Variants in CNTNAP5 observed in about 807,000 individuals in gnomAD.
CNTNAP5 encodes contactin associated protein family member 5, also known as contactin-associated protein-like 5.
In CNTNAP5, 72 loss-of-function variants were observed where a neutral mutation model predicts 150.2. The observed-to-expected ratio is 0.48, with a 90% confidence interval of 0.40 to 0.58. CNTNAP5 has a LOEUF of 0.58. CNTNAP5 is among the 20% of genes least tolerant of loss of function. CNTNAP5 has a pLI of 0.00. For synonymous variants in CNTNAP5, 672 were observed against 619.8 expected, an observed-to-expected ratio of 1.08 and a Z score of -1.25; for missense variants, 1,636 against 1,626.2, an observed-to-expected ratio of 1.01 and a Z score of -0.10.
At chr2:124,168,858 G>T (rs1684865620) in intron 1 of CNTNAP5, among the ~76,000 whole-genome samples, 1 of 151,988 alleles carries the variant, frequency 6.6e-6, no homozygotes. Context: ...ACTGTCAATT[G>T]AGGATTTGAC....
intron 11 of CNTNAP5, among the ~76,000 whole-genome samples, chr2:124,565,668 C>A (rs1453538081): frequency 4.2e-5 from 6 of 143,882 alleles, no homozygotes; most frequent in African/African-American, 7.7e-5. Flanking sequence ...GGCGCGATCT[C>A]GGCTCACTGC....
Position 124,223,934 on chromosome 2 carries a change from G to C in CNTNAP5, c.187+2125G>C, listed in dbSNP as rs7587696. Among the ~76,000 whole-genome samples, 432 of 151,642 alleles carry C rather than the reference G, an allele frequency of 2.8e-3. 2 individuals carry two copies. Among genetic ancestry groups the C allele is most frequent in the African/African-American group, 9.1e-3 (377 of 41,354 alleles). On this transcript the variant is annotated intron_variant, in intron 2 of 23. Transcript: ENST00000682447. ...TGCATATTCCAAGACTCCCAAGGGG[G>C]ACAGCCTCTCCTTTACTCACCGAGG...
chr2:124,621,536 A>G (rs1677614367), intron 12 of CNTNAP5, among the ~76,000 whole-genome samples: 1 of 152,204 alleles, frequency 6.6e-6, no homozygotes, highest in Non-Finnish European at 1.5e-5. Flanking sequence ...ATAATGGAGT[A>G]GGTAGAAAGC....
At chr2:124,361,843 C>T (rs567482261) in intron 3 of CNTNAP5, among the ~76,000 whole-genome samples, 3 of 152,136 alleles carry the variant, frequency 2.0e-5, no homozygotes, top group Non-Finnish European at 2.9e-5. Context: ...CCACCCAGTT[C>T]GAGCTTCCCA....
chr2:124,054,756 G>C (rs780830598), intron 1 of CNTNAP5, among the ~76,000 whole-genome samples: 1 of 152,136 alleles, frequency 6.6e-6, no homozygotes, highest in Non-Finnish European at 1.5e-5. Flanking sequence ...CCTTCCTGCT[G>C]TTCGTTAGTA....
At chr2:124,765,177 A>G (rs1681043542) in intron 16 of CNTNAP5, among the ~76,000 whole-genome samples, 1 of 152,136 alleles carries the variant, frequency 6.6e-6, no homozygotes, top group African/African-American at 2.4e-5. Flanking sequence ...GGTACTGTTA[A>G]TGTTTTTACT....
intron 6 of CNTNAP5, among the ~76,000 whole-genome samples, chr2:124,464,297 C>A (rs769738327): frequency 6.6e-6 from 1 of 152,040 alleles, no homozygotes; most frequent in South Asian, 2.1e-4. Context: ...TTACTCAATG[C>A]TGGGCTGTGT....
At chr2:124,298,337 A>G (rs373139389) in intron 3 of CNTNAP5, among the ~76,000 whole-genome samples, 23 of 152,242 alleles carry the variant, frequency 1.5e-4, no homozygotes, top group African/African-American at 5.5e-4. Flanking sequence ...TGAGATGAAG[A>G]TGAGCTGGGA....
At chr2:124,426,799 A>G (rs1692248451) in intron 4 of CNTNAP5, among the ~76,000 whole-genome samples, 1 of 152,204 alleles carries the variant, frequency 6.6e-6, no homozygotes, top group South Asian at 2.1e-4. Flanking sequence ...CTCAGAAAAC[A>G]AGCTGTGGCA....
intron 3 of CNTNAP5, among the ~76,000 whole-genome samples, chr2:124,243,708 CTG>C (rs1686944341): frequency 1.3e-5 from 2 of 152,092 alleles, no homozygotes; most frequent in South Asian, 4.1e-4. Flanking sequence ...CTATTGGGTA[CTG>C]TGTTCAAAAC....
At chr2:124,426,475 T>C (rs1385422931) in intron 4 of CNTNAP5, among the ~76,000 whole-genome samples, 1 of 152,214 alleles carries the variant, frequency 6.6e-6, no homozygotes, top group South Asian at 2.1e-4. Flanking sequence ...TTTTCTTATA[T>C]AATGTATCAT....
chr2:124,543,233 T>G (rs1343210572), intron 10 of CNTNAP5, among the ~76,000 whole-genome samples: 1 of 152,090 alleles, frequency 6.6e-6, no homozygotes, highest in African/African-American at 2.4e-5. Flanking sequence ...TAGCAATGTA[T>G]TTGAGCAATG....
chr2:124,894,580 A>G lies in CNTNAP5; in HGVS notation c.3437-8302A>G, dbSNP rs1447270574. The stretch of plus-strand genomic sequence containing the variant: ...TTTTCTTTTTTTTTTTTAAGACAAA[A>G]TCTTGCTCTGTCACCGAGGTGGGAA... On this transcript the variant is annotated intron_variant, in intron 21 of 23. Coordinates refer to ENST00000682447, the MANE Select transcript of CNTNAP5 (RefSeq NM_001367498.1). 3.3e-5 allele frequency among the ~76,000 whole-genome samples: 5 copies of G among 149,922 alleles called. No homozygotes were observed. In the East Asian group the frequency reaches 7.8e-4, roughly 23 times the overall value.
chr2:124,852,180 T>C lies in CNTNAP5; in HGVS notation c.3218-13126T>C, dbSNP rs1388348035. 3.9e-5 allele frequency among the ~76,000 whole-genome samples: 6 copies of C among 152,306 alleles called. No homozygotes were observed. The East Asian group carries it at 1.2e-3, about 29-fold the overall frequency. On this transcript the variant is annotated intron_variant, in intron 19 of 23. Coordinates refer to ENST00000682447, the MANE Select transcript of CNTNAP5 (RefSeq NM_001367498.1). ...ATTACGGAGGGTTTGCAATTATTAG[T>C]ACTAACAAATACTGAAGTCTGATAT...
At position 124,191,912 on chromosome 2, in the gene CNTNAP5, A is replaced by AT. The variant is rs1382002766; in HGVS notation, c.83-29793_83-29792insT. Among the ~76,000 whole-genome samples the AT allele has an allele frequency of 2.0e-5, 3 of 151,716 alleles. No homozygotes were observed. The East Asian group carries it at 5.8e-4, about 29-fold the overall frequency. The stretch of plus-strand genomic sequence containing the variant: ...AGACTCCATCTCTGAAAAAAAAAAA[A>AT]GCAAAGAAAAAGTAAAAAGAAAAAT... On this transcript the variant is annotated intron_variant, in intron 1 of 23. Coordinates refer to ENST00000682447, the MANE Select transcript of CNTNAP5 (RefSeq NM_001367498.1).
At chr2:124,066,090 C>CTAGCTGA (rs1418976978) in intron 1 of CNTNAP5, among the ~76,000 whole-genome samples, 2 of 152,128 alleles carry the variant, frequency 1.3e-5, no homozygotes, top group East Asian at 3.9e-4. Context: ...CAGGAAATCT[C>CTAGCTGA]CACTTAGCTG....
chr2:124,389,174 G>A (rs571539104), intron 3 of CNTNAP5, among the ~76,000 whole-genome samples: 40 of 152,210 alleles, frequency 2.6e-4, no homozygotes, highest in African/African-American at 8.4e-4. Context: ...ATGTTTAGGC[G>A]CAGATAAGAA....
chr2:124,052,559 C>T (rs1434763833), intron 1 of CNTNAP5, among the ~76,000 whole-genome samples: 1 of 152,186 alleles, frequency 6.6e-6, no homozygotes, highest in African/African-American at 2.4e-5. Flanking sequence ...ATTTCCATTC[C>T]AAAGTTCCCA....
chr2:124,152,463 T>G (rs939662761), intron 1 of CNTNAP5, among the ~76,000 whole-genome samples: 1 of 152,178 alleles, frequency 6.6e-6, no homozygotes, highest in African/African-American at 2.4e-5. Flanking sequence ...GAGTCGCAGA[T>G]CTCCCTTTTG....
Sources: gnomAD v4.1 joint callset for allele counts (sites outside exome capture counted in the v4.1 genomes callset) on GRCh38, gnomAD v4.1.1 for gene constraint, MANE v1.5 for transcripts, NCBI Gene and HGNC (gene_info 2026-07-23, HGNC 2026-07-21) for gene names.